Variants in NKAIN2 observed in about 807,000 individuals in gnomAD.
NKAIN2 encodes sodium/potassium-transporting ATPase subunit beta-1-interacting protein 2.
A neutral mutation model predicts 32.6 loss-of-function variants in NKAIN2; 14 were observed. The observed-to-expected ratio is 0.43, with a 90% CI of 0.28 to 0.67. The LOEUF (loss-of-function observed/expected upper bound fraction) is 0.67, where lower values mean the gene tolerates loss of function less well. Ranked by LOEUF, NKAIN2 falls within the 30% of genes least tolerant of loss-of-function variation. NKAIN2 has a pLI of 0.17. For missense variants in NKAIN2, 198 were observed against 258.3 expected (o/e 0.77, Z 1.60); for synonymous variants, 80 against 87.2 (o/e 0.92, Z 0.46).
intron 4 of NKAIN2, among the ~76,000 whole-genome samples, chr6:124,710,976 T>A (rs1391971883): frequency 6.7e-6 from 1 of 150,288 alleles, no homozygotes; most frequent in Admixed American, 6.6e-5. Flanking sequence ...TACGGGTTGT[T>A]CCTTTCCATG....
intron 5 of NKAIN2, among the ~76,000 whole-genome samples, chr6:124,811,893 G>A (rs1035406390): frequency 6.6e-6 from 1 of 152,026 alleles, no homozygotes. Flanking sequence ...AAAATCCTGA[G>A]TTGTCTTCAG....
At chr6:124,228,079 A>T (rs532905461) in intron 1 of NKAIN2, among the ~76,000 whole-genome samples, 1 of 152,312 alleles carries the variant, frequency 6.6e-6, no homozygotes, top group South Asian at 2.1e-4. Context: ...ATCTCTTCTT[A>T]TAAAGGTACT....
At chr6:124,151,359 C>T (rs955596781) in intron 1 of NKAIN2, among the ~76,000 whole-genome samples, 7 of 151,960 alleles carry the variant, frequency 4.6e-5, no homozygotes, top group East Asian at 3.8e-4. Context: ...CAAATAACAA[C>T]GTCCCATATC....
intron 1 of NKAIN2, among the ~76,000 whole-genome samples, chr6:124,140,251 T>A (rs1280433534): frequency 6.6e-6 from 1 of 152,218 alleles, no homozygotes; most frequent in Non-Finnish European, 1.5e-5. Flanking sequence ...TATTATGGCA[T>A]TAAGAATTAT....
chr6:124,534,255 T>A (rs564537), intron 3 of NKAIN2, among the ~76,000 whole-genome samples: 143,598 of 152,152 alleles, frequency 0.94, 68,310 homozygotes, highest in East Asian at 1. Context: ...GGCTCAAGCT[T>A]TGCTTATGCC....
At chr6:124,432,962 T>G (rs1775282274) in intron 3 of NKAIN2, among the ~76,000 whole-genome samples, 1 of 152,010 alleles carries the variant, frequency 6.6e-6, no homozygotes, top group South Asian at 2.1e-4. Flanking sequence ...CATGAAGTTG[T>G]GATCCTCTAA....
chr6:124,672,257 A>G (rs1208057488), intron 4 of NKAIN2, among the ~76,000 whole-genome samples: 1 of 152,082 alleles, frequency 6.6e-6, no homozygotes, highest in Non-Finnish European at 1.5e-5. Context: ...CTTCACTGTC[A>G]TCATCAAGGG....
intron 2 of NKAIN2, among the ~76,000 whole-genome samples, chr6:124,351,388 C>G (rs974224334): frequency 1.3e-5 from 2 of 151,650 alleles, no homozygotes; most frequent in African/African-American, 2.4e-5. Context: ...GCCTGTAGTT[C>G]CAGCTACCCA....
At chr6:123,875,140 T>C (rs1773112852) in intron 1 of NKAIN2, among the ~76,000 whole-genome samples, 1 of 152,144 alleles carries the variant, frequency 6.6e-6, no homozygotes, top group East Asian at 1.9e-4. Context: ...CCATTATTTT[T>C]AGAAACTCAG....
At position 124,399,080 on chromosome 6, in the gene NKAIN2, C is replaced by G. The variant is rs549838808; in HGVS notation, c.273+43733C>G. The stretch of plus-strand genomic sequence containing the variant: ...TAGCTGGGATTACAGGCACGCACCC[C>G]CACACCTGACTAATTTTTGTATTTT... On this transcript the variant is annotated intron_variant, in intron 3 of 6. Coordinates refer to ENST00000368417, the MANE Select transcript of NKAIN2 (RefSeq NM_001040214.3). 7.2e-5 allele frequency among the ~76,000 whole-genome samples: 11 copies of G among 152,150 alleles called. No homozygotes were observed. In the South Asian group the frequency reaches 8.3e-4, roughly 11 times the overall value.
chr6:124,111,034 A>C (rs1785362540), intron 1 of NKAIN2, among the ~76,000 whole-genome samples: 1 of 151,956 alleles, frequency 6.6e-6, no homozygotes, highest in African/African-American at 2.4e-5. Flanking sequence ...TTTATGATGT[A>C]GTTTTGATAT....
At chr6:124,457,452 C>T (rs887735462) in intron 3 of NKAIN2, among the ~76,000 whole-genome samples, 2 of 151,894 alleles carry the variant, frequency 1.3e-5, no homozygotes, top group Admixed American at 6.6e-5. Context: ...TGTGAATCTA[C>T]GTGTGTGATA....
At chr6:124,430,314 T>G (rs1047087979) in intron 3 of NKAIN2, among the ~76,000 whole-genome samples, 1 of 152,232 alleles carries the variant, frequency 6.6e-6, no homozygotes, top group Non-Finnish European at 1.5e-5. Context: ...TGAGCACATG[T>G]TCCTATCATA....
At chr6:124,543,455 A>T (rs988744245) in intron 3 of NKAIN2, among the ~76,000 whole-genome samples, 1 of 152,210 alleles carries the variant, frequency 6.6e-6, no homozygotes, top group Non-Finnish European at 1.5e-5. Context: ...TAACTTCTAA[A>T]CAAAACACAC....
At chr6:124,022,842 T>A (rs899429171) in intron 1 of NKAIN2, among the ~76,000 whole-genome samples, 40 of 152,066 alleles carry the variant, frequency 2.6e-4, no homozygotes, top group Non-Finnish European at 2.4e-4. Context: ...TTGCATGAAT[T>A]CCTGGGAGCA....
intron 1 of NKAIN2, among the ~76,000 whole-genome samples, chr6:123,996,159 TTATTTTTA>T (rs1269044913): frequency 6.6e-6 from 1 of 152,130 alleles, no homozygotes; most frequent in East Asian, 1.9e-4. Context: ...AAAAAGTCAG[TTATTTTTA>T]ATCCTTCCTT....
At chr6:124,171,547 ATTTTTT>A (rs10665262) in intron 1 of NKAIN2, among the ~76,000 whole-genome samples, 11 of 96,472 alleles carry the variant, frequency 1.1e-4, no homozygotes, top group African/African-American at 3.2e-4. Flanking sequence ...GGCCGATTTG[ATTTTTT>A]TTTTTTTTTT....
chr6:124,777,962 C>CAA (rs1419727291), intron 4 of NKAIN2, among the ~76,000 whole-genome samples: 4 of 151,596 alleles, frequency 2.6e-5, no homozygotes, highest in Non-Finnish European at 5.9e-5. Flanking sequence ...CACACACACA[C>CAA]ACACACACAC....
intron 4 of NKAIN2, among the ~76,000 whole-genome samples, chr6:124,770,873 T>G (rs919560592): frequency 6.6e-6 from 1 of 151,954 alleles, no homozygotes; most frequent in African/African-American, 2.4e-5. Context: ...TCCCTATAAC[T>G]AAAATAATAC....
Sources: allele counts gnomAD v4.1 joint callset (sites outside exome capture counted in the v4.1 genomes callset), GRCh38; gene constraint gnomAD v4.1.1; transcripts MANE v1.5; gene names NCBI Gene and HGNC (gene_info 2026-07-23, HGNC 2026-07-21).